VTCN1: variants seen among roughly 807,000 people sequenced by gnomAD.
The protein encoded by VTCN1 is V-set domain-containing T-cell activation inhibitor 1.
A neutral mutation model predicts 26.5 loss-of-function variants in VTCN1; 26 were observed. The ratio of observed to expected loss-of-function variants is 0.98; its 90% CI spans 0.72 to 1.36. The LOEUF (loss-of-function observed/expected upper bound fraction) is 1.36, where lower values mean the gene tolerates loss of function less well. Among genes scored for constraint, VTCN1 ranks in the 40% most tolerant of loss-of-function variants. The pLI is 0.00. For missense variants in VTCN1, 298 were observed against 337.7 expected (o/e 0.88, Z 0.92); for synonymous variants, 116 against 130.7 (o/e 0.89, Z 0.77).
intron 1 of VTCN1, among the ~76,000 whole-genome samples, chr1:117,201,318 C>T (rs1185787927): frequency 6.6e-6 from 1 of 152,108 alleles, no homozygotes; most frequent in African/African-American, 2.4e-5. Flanking sequence ...TTCCTCTGTC[C>T]AGGCCTTTAG....
chr1:117,188,112 C>G (rs1046907562), intron 1 of VTCN1, among the ~76,000 whole-genome samples: 1 of 152,098 alleles, frequency 6.6e-6, no homozygotes, highest in Non-Finnish European at 1.5e-5. Context: ...CAAAGCTTAA[C>G]TTGAAGAGCT....
At chr1:117,153,058 A>G (rs1557860149) in intron 4 of VTCN1, 33 bp downstream of exon 4, 1 of 1,583,536 alleles carries the variant, frequency 6.3e-7, no homozygotes. Flanking sequence ...CTCTTTCCCC[A>G]GTAAATCCAT....
chr1:117,180,240 T>C (rs112286315), intron 1 of VTCN1, among the ~76,000 whole-genome samples: 2 of 152,200 alleles, frequency 1.3e-5, no homozygotes, highest in African/African-American at 4.8e-5. Context: ...GTATTTGAGT[T>C]TGCAGCAAAG....
intron 4 of VTCN1, among the ~76,000 whole-genome samples, chr1:117,150,738 C>G (rs747208123): frequency 1.3e-5 from 2 of 152,186 alleles, no homozygotes; most frequent in African/African-American, 4.8e-5. Context: ...TTTTGCAAAT[C>G]TGAAACTCTA....
chr1:117,191,396 G>A (rs1226495080), intron 1 of VTCN1, among the ~76,000 whole-genome samples: 1 of 152,248 alleles, frequency 6.6e-6, no homozygotes, highest in Non-Finnish European at 1.5e-5. Context: ...GCCTATGCCT[G>A]TAATCTCAGC....
chr1:117,151,468 C>T (rs750987066), intron 4 of VTCN1, among the ~76,000 whole-genome samples: 4 of 152,156 alleles, frequency 2.6e-5, no homozygotes, highest in East Asian at 1.9e-4. Flanking sequence ...GCAGCCCTAC[C>T]GGGTTGCTGC....
chr1:117,157,111 A>T lies in VTCN1; in HGVS notation c.98-190T>A, dbSNP rs988706008. 1.5e-5 allele frequency: 10 copies of T among 679,332 alleles called. No individual in the cohort carries two copies. The African/African-American group carries it at 1.6e-4, about 11-fold the overall frequency. The allele number at this position is 679,332 out of a possible 1,614,324, so 42.1% of individuals were successfully genotyped here. ...CATTTTGATATATATATATATATAT[A>T]TATAGCAGATCTGTCATATATAATG... On this transcript the variant is annotated intron_variant, in intron 2 of 5. Coordinates refer to ENST00000369458, the MANE Select transcript of VTCN1 (RefSeq NM_024626.4).
chr1:117,193,128 C>T (rs781201284), intron 1 of VTCN1, among the ~76,000 whole-genome samples: 27 of 151,982 alleles, frequency 1.8e-4, no homozygotes, highest in Non-Finnish European at 3.2e-4. Flanking sequence ...AAATTATATG[C>T]AAATACTACA....
chr1:117,202,258 T>C (rs1020357753), intron 1 of VTCN1, among the ~76,000 whole-genome samples: 3 of 152,216 alleles, frequency 2.0e-5, no homozygotes, highest in Non-Finnish European at 2.9e-5. Flanking sequence ...TGTACCTGAC[T>C]ACAGAGCTTG....
At chr1:117,203,255 G>C (rs1005037066) in intron 1 of VTCN1, among the ~76,000 whole-genome samples, 1 of 152,044 alleles carries the variant, frequency 6.6e-6, no homozygotes, top group Non-Finnish European at 1.5e-5. Flanking sequence ...GTGGGGAGAA[G>C]GGATGGGGGT....
intron 1 of VTCN1, chr1:117,203,514 G>T: frequency 2.8e-6 from 2 of 722,774 alleles, no homozygotes; most frequent in Non-Finnish European, 3.4e-6. Flanking sequence ...GCAGCAGCAG[G>T]AACACATCTG....
rs188257805 is a variant in VTCN1 at position 117,208,656 on chromosome 1, G to A, written c.32+2168C>T. Among the ~76,000 whole-genome samples, 625 of 152,278 alleles carry A rather than the reference G, an allele frequency of 4.1e-3. 1 individual carries two copies. Among genetic ancestry groups the A allele is most frequent in the Non-Finnish European group, 5.6e-3 (379 of 68,024 alleles). On this transcript the variant is annotated intron_variant, in intron 1 of 5. Transcript: ENST00000369458. ...AGCATTCTGCAAATGTTTCATGAGC[G>A]AATGCTGCTGCTGTCAACAGCCATG... is the stretch of plus-strand genomic sequence containing the variant.
intron 4 of VTCN1, among the ~76,000 whole-genome samples, chr1:117,151,951 A>G (rs1417742004): frequency 1.3e-5 from 2 of 152,146 alleles, no homozygotes; most frequent in Non-Finnish European, 2.9e-5. Context: ...CATTTCTCCA[A>G]TGATTAGTGA....
At position 117,175,081 on chromosome 1, in the gene VTCN1, GC is replaced by G. The variant is rs1647265689; in HGVS notation, c.33-4911del. 6.6e-6 allele frequency among the ~76,000 whole-genome samples: 1 copy of G among 151,336 alleles called. No homozygotes were observed. Among genetic ancestry groups the G allele is most frequent in the Admixed American group, 6.5e-5 (1 of 15,274 alleles). On this transcript the variant is annotated intron_variant, in intron 1 of 5. Transcript: ENST00000369458. The surrounding 1 kb of genome is among the most constrained non-coding windows in gnomAD (Gnocchi z 4.2). ...CCTGGTTCGATTCCCTCACATGCCT[GC>G]TTCAGCTGCTGCTGCCTTCTGCAGC...
At chr1:117,210,791 AC>A in intron 1 of VTCN1, 32 bp downstream of exon 1, 3 of 1,610,886 alleles carry the variant, frequency 1.9e-6, no homozygotes, top group Non-Finnish European at 2.5e-6. Context: ...TGTTCCCTTC[AC>A]CCATAAGGAT....
chr1:117,207,061 A>C (rs891380016), intron 1 of VTCN1, among the ~76,000 whole-genome samples: 3 of 152,178 alleles, frequency 2.0e-5, no homozygotes, highest in African/African-American at 7.2e-5. Flanking sequence ...ACAAGCTTCC[A>C]TGGTGTTGCG....
At chr1:117,149,486 T>C (rs1348842170) in intron 4 of VTCN1, among the ~76,000 whole-genome samples, 4 of 152,116 alleles carry the variant, frequency 2.6e-5, no homozygotes, top group Admixed American at 2.0e-4. Flanking sequence ...AATACTCTCA[T>C]AATTTCTCCC....
intron 1 of VTCN1, among the ~76,000 whole-genome samples, chr1:117,196,851 A>G (rs1378954672): frequency 1.3e-5 from 2 of 152,200 alleles, no homozygotes; most frequent in Admixed American, 1.3e-4. Flanking sequence ...TACCCCAGGC[A>G]ATGATTAGAC....
intron 1 of VTCN1, among the ~76,000 whole-genome samples, chr1:117,178,268 T>G (rs1483234790): frequency 6.7e-6 from 1 of 149,008 alleles, no homozygotes; most frequent in Non-Finnish European, 1.5e-5. Flanking sequence ...TCTTTTTTTT[T>G]TTTTTTGAGA....
Sources: allele counts gnomAD v4.1 joint callset (sites outside exome capture counted in the v4.1 genomes callset), GRCh38; gene constraint gnomAD v4.1.1; non-coding constraint Gnocchi (gnomAD v3.1); transcripts MANE v1.5; gene names NCBI Gene and HGNC (gene_info 2026-07-23, HGNC 2026-07-21).